AGPAT3: variants seen among roughly 807,000 people sequenced by gnomAD.
AGPAT3 encodes the protein 1-acylglycerol-3-phosphate O-acyltransferase 3, also known as 1-acyl-sn-glycerol-3-phosphate acyltransferase gamma.
Under a neutral mutation model 47.3 loss-of-function variants are expected in AGPAT3, and 5 were observed. The observed-to-expected ratio is 0.11, with a 90% CI of 0.06 to 0.22. The LOEUF is 0.22. Ranked by LOEUF, AGPAT3 falls within the 10% of genes least tolerant of loss-of-function variation. The probability of loss-of-function intolerance (pLI) is 1.00; values close to 1 mark genes in which losing one functional copy is unlikely to be tolerated. For synonymous variants in AGPAT3, 212 were observed against 208.3 expected (o/e 1.02, Z -0.15); for missense variants, 315 against 493.0 (o/e 0.64, Z 3.42).
chr21:43,957,739 C>T lies in AGPAT3; in HGVS notation c.-48-1895C>T, dbSNP rs563821121. Among the ~76,000 whole-genome samples the T allele has an allele frequency of 3.1e-4, 45 of 144,600 alleles. 1 individual carries two copies. In the South Asian group the frequency reaches 9.6e-3, roughly 31 times the overall value. 94.9% of individuals were successfully genotyped at this position (144,600 alleles called of 152,430 possible). On this transcript the variant is annotated intron_variant, in intron 2 of 9. Coordinates refer to ENST00000291572, the MANE Select transcript of AGPAT3 (RefSeq NM_020132.5). ...CGGGGGTCTCTGGTTTCCCCCTCCA[C>T]ACGGGGTTTCCCCTCCACACGGGGG...
intron 2 of AGPAT3, among the ~76,000 whole-genome samples, chr21:43,918,975 C>T (rs1319319702): frequency 6.6e-6 from 1 of 152,128 alleles, no homozygotes; most frequent in Non-Finnish European, 1.5e-5. Flanking sequence ...CCATCACCAT[C>T]GTTATTACTT....
At chr21:43,974,050 G>T (rs1487493203) in intron 7 of AGPAT3, among the ~76,000 whole-genome samples, 9 of 152,050 alleles carry the variant, frequency 5.9e-5, no homozygotes, top group African/African-American at 2.2e-4. Context: ...ACCTGTATGT[G>T]GGGCATGTGT....
rs1322384265 is a variant in AGPAT3 at position 43,982,653 on chromosome 21, C to T, written c.*261C>T. 9.5e-6 allele frequency: 3 copies of T among 314,976 alleles called. No individual in the cohort carries two copies. Among genetic ancestry groups the T allele is most frequent in the South Asian group, 3.9e-5 (1 of 25,694 alleles). The allele number at this position is 314,976 out of a possible 1,614,324, so 19.5% of individuals were successfully genotyped here. ...GGCCGGAGAGGCCTCCCGCGGACGC[C>T]GTCTCTCCAGAACTCCGCTTCCAAG... On this transcript the variant is annotated 3_prime_UTR_variant, in exon 10 of 10. Transcript: ENST00000291572. The surrounding 1 kb of genome is among the most constrained non-coding windows in gnomAD (Gnocchi z 6.2).
chr21:43,891,099 C>A (rs1439241356), intron 1 of AGPAT3, among the ~76,000 whole-genome samples: 1 of 152,220 alleles, frequency 6.6e-6, no homozygotes, highest in Non-Finnish European at 1.5e-5. Flanking sequence ...TGAAGCTTGC[C>A]ACATGGATGG....
chr21:43,912,024 T>C (rs2086641893), intron 2 of AGPAT3, among the ~76,000 whole-genome samples: 2 of 152,258 alleles, frequency 1.3e-5, no homozygotes, highest in Middle Eastern at 3.2e-3. Flanking sequence ...TCAGGGGTCC[T>C]GGTGGAACTC....
At chr21:43,946,463 G>A (rs1190465721) in intron 2 of AGPAT3, among the ~76,000 whole-genome samples, 1 of 152,152 alleles carries the variant, frequency 6.6e-6, no homozygotes, top group African/African-American at 2.4e-5. Flanking sequence ...AGCCAGGCGT[G>A]GTAGCCCGCA....
chr21:43,901,680 A>G (rs1207934950), intron 1 of AGPAT3, among the ~76,000 whole-genome samples: 2 of 151,978 alleles, frequency 1.3e-5, no homozygotes, highest in Non-Finnish European at 1.5e-5. Context: ...AGGCTGAGGT[A>G]GGAGGATGGC....
intron 1 of AGPAT3, among the ~76,000 whole-genome samples, chr21:43,881,694 C>T (rs529117559): frequency 9.7e-4 from 148 of 152,156 alleles, no homozygotes; most frequent in Non-Finnish European, 1.7e-3. Flanking sequence ...TTTGCTCTGT[C>T]GCCCAGGCTG....
At chr21:43,936,420 G>T (rs1342160434) in intron 2 of AGPAT3, among the ~76,000 whole-genome samples, 1 of 152,258 alleles carries the variant, frequency 6.6e-6, no homozygotes, top group Non-Finnish European at 1.5e-5. Context: ...TGGGGCCAGT[G>T]CCTCTGCCCT....
At position 43,982,850 on chromosome 21, in the gene AGPAT3, C is replaced by A. The variant is rs2089900024; in HGVS notation, c.*458C>A. The A allele has an allele frequency of 6.2e-6, 1 of 161,818 alleles. No individual in the cohort carries two copies. The highest frequency in any genetic ancestry group is 1.7e-4 in the South Asian group (1 of 5,906). 10.0% of individuals were successfully genotyped at this position (161,818 alleles called of 1,614,324 possible). A position where few individuals can be genotyped will look rare whatever the true frequency, so the allele number is the denominator to read the frequency against. ...CTGGGAGTGGACGGCCGGGTCCCGT[C>A]CCCCGGGAGCATCGCTCGGCTCAGC... On this transcript the variant is annotated 3_prime_UTR_variant, in exon 10 of 10. Transcript: ENST00000291572. The surrounding 1 kb of genome is among the most constrained non-coding windows in gnomAD (Gnocchi z 6.2).
At position 43,982,929 on chromosome 21, in the gene AGPAT3, C is replaced by G. The variant is rs574600332; in HGVS notation, c.*537C>G. The G allele has an allele frequency of 6.5e-6, 1 of 153,370 alleles. No homozygotes were observed. Among genetic ancestry groups the G allele is most frequent in the South Asian group, 2.1e-4 (1 of 4,878 alleles). 9.5% of individuals were successfully genotyped at this position (153,370 alleles called of 1,614,324 possible). On this transcript the variant is annotated 3_prime_UTR_variant, in exon 10 of 10. Coordinates refer to ENST00000291572, the MANE Select transcript of AGPAT3 (RefSeq NM_020132.5). The surrounding 1 kb of genome is among the most constrained non-coding windows in gnomAD (Gnocchi z 6.2). ...AGGGCGCCCGTAGTGATAAGCACAC[C>G]GGCACGAACGTCAGGTCCATTCCTC...
Position 43,954,891 on chromosome 21 carries a change from T to C in AGPAT3, c.-48-4743T>C. 2.1e-6 allele frequency: 1 copy of C among 477,534 alleles called. No individual in the cohort carries two copies. Among genetic ancestry groups the C allele is most frequent in the Non-Finnish European group, 3.0e-6 (1 of 338,506 alleles). 29.6% of individuals were successfully genotyped at this position (477,534 alleles called of 1,614,324 possible). ...TGTGCCAGAGGGCAGGCGTGGGCTC[T>C]CCGGGGAGTCTCTGCGTAGACTTTC... On this transcript the variant is annotated intron_variant, in intron 2 of 9. Coordinates refer to ENST00000291572, the MANE Select transcript of AGPAT3 (RefSeq NM_020132.5). This position sits in a 1 kb window ranked among gnomAD's most constrained non-coding sequence, Gnocchi z 4.0.
At chr21:43,917,640 G>T (rs2086761856) in intron 2 of AGPAT3, among the ~76,000 whole-genome samples, 1 of 152,122 alleles carries the variant, frequency 6.6e-6, no homozygotes, top group Non-Finnish European at 1.5e-5. Context: ...GGAGCAGAAA[G>T]TGGGAACTTT....
chr21:43,945,349 G>A (rs1054298101), intron 2 of AGPAT3, among the ~76,000 whole-genome samples: 2 of 152,274 alleles, frequency 1.3e-5, no homozygotes, highest in African/African-American at 2.4e-5. Flanking sequence ...AAGAAAATTC[G>A]GCTGAACTGT....
At chr21:43,888,279 A>C (rs1283586210) in intron 1 of AGPAT3, among the ~76,000 whole-genome samples, 1 of 152,116 alleles carries the variant, frequency 6.6e-6, no homozygotes, top group Non-Finnish European at 1.5e-5. Flanking sequence ...GGCTCAAGCA[A>C]TCCTCCTGTC....
At chr21:43,918,299 G>A (rs989842719) in intron 2 of AGPAT3, among the ~76,000 whole-genome samples, 19 of 152,040 alleles carry the variant, frequency 1.2e-4, no homozygotes, top group African/African-American at 4.4e-4. Flanking sequence ...CACTTTGGGT[G>A]TGGATCAATT....
At chr21:43,898,630 A>G (rs1005185771) in intron 1 of AGPAT3, among the ~76,000 whole-genome samples, 1 of 152,052 alleles carries the variant, frequency 6.6e-6, no homozygotes, top group East Asian at 1.9e-4. Context: ...AGGTTCAAGC[A>G]ATTCTCCTGC....
intron 1 of AGPAT3, among the ~76,000 whole-genome samples, chr21:43,898,828 G>A (rs2086285727): frequency 6.6e-6 from 1 of 152,110 alleles, no homozygotes; most frequent in Non-Finnish European, 1.5e-5. Flanking sequence ...CACCCAGCCT[G>A]TGTATTTAAA....
rs560667620 is a variant in AGPAT3, at chr21:43,880,298, G to T, written c.-112+14953G>T. On this transcript the variant is annotated intron_variant, in intron 1 of 9. Coordinates refer to ENST00000291572, the MANE Select transcript of AGPAT3 (RefSeq NM_020132.5). This position sits in a 1 kb window ranked among gnomAD's most constrained non-coding sequence, Gnocchi z 4.5. ...GTCCCCTAGAGCCCGAGATCTGGGA[G>T]CGGCAGGGGCAGCCACTGTTCCTGT... is the stretch of plus-strand genomic sequence containing the variant. 1.0e-3 allele frequency among the ~76,000 whole-genome samples: 159 copies of T among 152,370 alleles called. 1 individual carries two copies. Among genetic ancestry groups the T allele is most frequent in the Middle Eastern group, 3.4e-3 (1 of 294 alleles).
Sources: allele counts gnomAD v4.1 joint callset (sites outside exome capture counted in the v4.1 genomes callset), GRCh38; gene constraint gnomAD v4.1.1; non-coding constraint Gnocchi (gnomAD v3.1); transcripts MANE v1.5; gene names NCBI Gene and HGNC (gene_info 2026-07-23, HGNC 2026-07-21).